NEK7: variants seen among roughly 807,000 people sequenced by gnomAD.
The protein encoded by NEK7 is serine/threonine-protein kinase Nek7.
NEK7 carries 18 observed loss-of-function variants against 44.6 expected under a neutral mutation model. The observed-to-expected ratio is 0.40, with a 90% CI of 0.28 to 0.60. The LOEUF is 0.60. Ranked by LOEUF, NEK7 falls within the 20% of genes least tolerant of loss-of-function variation. The probability of loss-of-function intolerance (pLI) is 0.38; values close to 1 mark genes in which losing one functional copy is unlikely to be tolerated. For synonymous variants in NEK7, 130 were observed against 121.1 expected (o/e 1.07, Z -0.48); for missense variants, 256 against 366.5 (o/e 0.70, Z 2.46).
intron 1 of NEK7, among the ~76,000 whole-genome samples, chr1:198,214,141 A>G (rs1665853975): frequency 6.6e-6 from 1 of 152,234 alleles, no homozygotes; most frequent in Non-Finnish European, 1.5e-5. Context: ...GCTAGATGAC[A>G]ATAAAGTCAC....
In NEK7 at chr1:198,319,447, T is replaced by C. The variant is rs1359558715; in HGVS notation, c.834T>C (p.Asp278=). The change falls in exon 10 of 10, where the codon GAT becomes GAC. Residue 278 remains aspartate, a synonymous_variant. Transcript: ENST00000367385. ...TAGTTAATATGTGCATCAACCCAGA[T>C]CCAGAGAAGCGACCAGACGTCACCT... ...RQLVNMCINP[D]PEKRPDVTYV... 1 of 1,613,182 alleles carries C rather than the reference T, an allele frequency of 6.2e-7. No individual in the cohort carries two copies. Among genetic ancestry groups the C allele is most frequent in the Non-Finnish European group, 8.5e-7 (1 of 1,179,462 alleles).
At chr1:198,268,145 C>CT (rs56262835) in intron 5 of NEK7, among the ~76,000 whole-genome samples, 26,211 of 146,154 alleles carry the variant, frequency 0.18, 2,503 homozygotes, top group African/African-American at 0.24. Flanking sequence ...CAGTCCTTGA[C>CT]TTTTTTTTTT....
At chr1:198,314,796 A>G (rs1360982894) in intron 9 of NEK7, among the ~76,000 whole-genome samples, 1 of 152,180 alleles carries the variant, frequency 6.6e-6, no homozygotes, top group Non-Finnish European at 1.5e-5. Flanking sequence ...CCGTTCTCAG[A>G]TCTCCAGCTG....
intron 1 of NEK7, among the ~76,000 whole-genome samples, chr1:198,205,686 T>A (rs940713708): frequency 5.9e-5 from 9 of 152,106 alleles, no homozygotes; most frequent in Non-Finnish European, 1.2e-4. Context: ...TGCTTTCTCA[T>A]ACACATCCTA....
intron 1 of NEK7, chr1:198,198,134 A>T (rs1021249002): frequency 6.3e-5 from 56 of 892,512 alleles, no homozygotes; most frequent in Non-Finnish European, 1.0e-4. Flanking sequence ...AGGGTACCCT[A>T]TGGTGGGGGG....
intron 1 of NEK7, among the ~76,000 whole-genome samples, chr1:198,230,167 C>G (rs141657596): frequency 1.3e-5 from 2 of 152,214 alleles, no homozygotes. Flanking sequence ...GAAACTTTTT[C>G]TTTTCTTTAC....
intron 5 of NEK7, among the ~76,000 whole-genome samples, chr1:198,270,017 G>A (rs1353587983): frequency 6.6e-6 from 1 of 151,914 alleles, no homozygotes; most frequent in African/African-American, 2.4e-5. Context: ...ACACATACAT[G>A]CTCCATTTTG....
chr1:198,180,189 T>A (rs553602707), intron 1 of NEK7, among the ~76,000 whole-genome samples: 2 of 152,056 alleles, frequency 1.3e-5, no homozygotes, highest in Non-Finnish European at 2.9e-5. Flanking sequence ...CCTCCCTTTT[T>A]TTTTTTGGTG....
chr1:198,167,580 C>T (rs34637130), intron 1 of NEK7, among the ~76,000 whole-genome samples: 14,573 of 152,218 alleles, frequency 0.096, 964 homozygotes, highest in South Asian at 0.23. Flanking sequence ...AGGCTGTGTA[C>T]TGTTCTCACC....
At chr1:198,246,373 A>G (rs1045045006) in intron 2 of NEK7, among the ~76,000 whole-genome samples, 3 of 152,172 alleles carry the variant, frequency 2.0e-5, no homozygotes, top group Non-Finnish European at 4.4e-5. Context: ...CTTTGAAGAA[A>G]GGCCATGGGG....
intron 1 of NEK7, among the ~76,000 whole-genome samples, chr1:198,215,921 C>G (rs1019613962): frequency 3.3e-5 from 5 of 152,002 alleles, no homozygotes; most frequent in African/African-American, 1.2e-4. Context: ...AGCAATACCA[C>G]TAGATTAAAG....
intron 2 of NEK7, among the ~76,000 whole-genome samples, chr1:198,247,178 T>G (rs1229687052): frequency 6.6e-6 from 1 of 152,236 alleles, no homozygotes; most frequent in Non-Finnish European, 1.5e-5. Flanking sequence ...TCTCCCTTTA[T>G]TTCATAATTT....
At chr1:198,276,619 C>T (rs1654025925) in intron 5 of NEK7, among the ~76,000 whole-genome samples, 1 of 151,616 alleles carries the variant, frequency 6.6e-6, no homozygotes, top group Non-Finnish European at 1.5e-5. Context: ...TTTTAATTAC[C>T]TGGTCATCTA....
intron 7 of NEK7, among the ~76,000 whole-genome samples, chr1:198,285,143 CTTA>C (rs1230821310): frequency 4.0e-5 from 6 of 151,804 alleles, no homozygotes; most frequent in Non-Finnish European, 8.8e-5. Context: ...GTGTAATTTA[CTTA>C]TTATGCTTTG....
At chr1:198,290,398 T>C (rs1331796867) in intron 7 of NEK7, among the ~76,000 whole-genome samples, 1 of 152,232 alleles carries the variant, frequency 6.6e-6, no homozygotes, top group Non-Finnish European at 1.5e-5. Context: ...TTTTGAAATG[T>C]TGAAAACATA....
chr1:198,196,630 T>C (rs978764612), intron 1 of NEK7, among the ~76,000 whole-genome samples: 2 of 152,208 alleles, frequency 1.3e-5, no homozygotes, highest in African/African-American at 4.8e-5. Context: ...TTCTTCGAAC[T>C]TTTTCTCATA....
At chr1:198,231,504 G>A (rs1666399187) in intron 1 of NEK7, among the ~76,000 whole-genome samples, 2 of 151,244 alleles carry the variant, frequency 1.3e-5, no homozygotes, top group Admixed American at 1.3e-4. Flanking sequence ...CAGATGGTTT[G>A]TAGATCTAAA....
chr1:198,188,597 C>T (rs1330159971), intron 1 of NEK7, among the ~76,000 whole-genome samples: 2 of 152,090 alleles, frequency 1.3e-5, no homozygotes, highest in Non-Finnish European at 2.9e-5. Context: ...ATAGAAAGGG[C>T]TCAGGGACAG....
intron 1 of NEK7, among the ~76,000 whole-genome samples, chr1:198,221,891 A>G (rs1401825078): frequency 6.6e-6 from 1 of 151,840 alleles, no homozygotes; most frequent in Non-Finnish European, 1.5e-5. Context: ...GAACTGTGTT[A>G]TAATGTTATT....
Sources: allele counts gnomAD v4.1 joint callset (sites outside exome capture counted in the v4.1 genomes callset), GRCh38; gene constraint gnomAD v4.1.1; transcripts MANE v1.5; gene names NCBI Gene and HGNC (gene_info 2026-07-23, HGNC 2026-07-21).